Variants in PARD3 observed in about 807,000 individuals in gnomAD.
PARD3 encodes par-3 family cell polarity regulator.
Under a neutral mutation model 155.4 loss-of-function variants are expected in PARD3, and 75 were observed. The ratio of observed to expected loss-of-function variants is 0.48; its 90% confidence interval spans 0.40 to 0.58. PARD3 has a LOEUF of 0.58. Ranked by LOEUF, PARD3 falls within the 20% of genes least tolerant of loss-of-function variation. The pLI is 0.00. For missense variants in PARD3, 1,642 were observed against 1,721.7 expected (o/e 0.95, Z 0.82); for synonymous variants, 576 against 610.5 (o/e 0.94, Z 0.83).
chr10:34,132,617 T>C (rs375639191), intron 22 of PARD3, among the ~76,000 whole-genome samples: 70 of 152,322 alleles, frequency 4.6e-4, no homozygotes, highest in African/African-American at 1.7e-3. Flanking sequence ...CACAGCACTT[T>C]TGGTCTATGC....
intron 5 of PARD3, among the ~76,000 whole-genome samples, chr10:34,410,422 G>A (rs1014547940): frequency 2.6e-5 from 4 of 151,492 alleles, no homozygotes; most frequent in African/African-American, 4.9e-5. Context: ...ATATTCTATC[G>A]GGTAAACATA....
chr10:34,774,044 A>T (rs950196191), intron 1 of PARD3, among the ~76,000 whole-genome samples: 6 of 152,164 alleles, frequency 3.9e-5, no homozygotes, highest in Non-Finnish European at 8.8e-5. Flanking sequence ...TTTCTCACCC[A>T]CTACTGCTTT....
intron 2 of PARD3, among the ~76,000 whole-genome samples, chr10:34,547,249 A>C (rs1336525134): frequency 6.6e-6 from 1 of 152,238 alleles, no homozygotes; most frequent in African/African-American, 2.4e-5. Context: ...TAAAAACTGG[A>C]TTACTTACTG....
At position 34,760,504 on chromosome 10, in the gene PARD3, G is replaced by T. The variant is rs112804094; in HGVS notation, c.120+54372C>A. Among the ~76,000 whole-genome samples, 829 of 152,054 alleles carry T rather than the reference G, an allele frequency of 5.5e-3. 9 individuals are homozygous for T. The highest frequency in any genetic ancestry group is 0.019 in the African/African-American group (788 of 41,470). On this transcript the variant is annotated intron_variant, in intron 1 of 24. Coordinates refer to ENST00000374788, the MANE Select transcript of PARD3 (RefSeq NM_001184785.2). ...CTGCCACCATGCCCGGCTAATTTTT[G>T]TATCTTTAATAGAGAAGATCGTTTC...
At chr10:34,181,383 A>G (rs1486336022) in intron 22 of PARD3, among the ~76,000 whole-genome samples, 1 of 152,198 alleles carries the variant, frequency 6.6e-6, no homozygotes, top group Non-Finnish European at 1.5e-5. Context: ...GTATCTGTAT[A>G]ACGACCAGTT....
chr10:34,464,459 A>T (rs889306642), intron 4 of PARD3, among the ~76,000 whole-genome samples: 2 of 152,202 alleles, frequency 1.3e-5, no homozygotes, highest in African/African-American at 4.8e-5. Context: ...AACAATTACT[A>T]ATAGCTTTAA....
At chr10:34,390,191 T>C (rs1303986780) in intron 7 of PARD3, among the ~76,000 whole-genome samples, 2 of 152,206 alleles carry the variant, frequency 1.3e-5, no homozygotes, top group East Asian at 1.9e-4. Flanking sequence ...GAAGCTCAAA[T>C]TGACTGTAAT....
At chr10:34,514,252 T>C (rs889347375) in intron 3 of PARD3, among the ~76,000 whole-genome samples, 2 of 152,208 alleles carry the variant, frequency 1.3e-5, no homozygotes, top group African/African-American at 4.8e-5. Context: ...AGGCAAAAAT[T>C]AGAAATTTAT....
chr10:34,278,650 C>T (rs142331329), intron 21 of PARD3, among the ~76,000 whole-genome samples: 22 of 152,236 alleles, frequency 1.4e-4, no homozygotes, highest in African/African-American at 2.6e-4. Flanking sequence ...TCTCCCGCCA[C>T]GTGAAGAAGG....
chr10:34,745,245 C>G (rs1400052362), intron 1 of PARD3, among the ~76,000 whole-genome samples: 1 of 152,066 alleles, frequency 6.6e-6, no homozygotes, highest in Non-Finnish European at 1.5e-5. Context: ...AGCCTGTAGT[C>G]CCAGATATTC....
intron 22 of PARD3, among the ~76,000 whole-genome samples, chr10:34,179,167 C>CAA (rs1950163042): frequency 1.5e-5 from 1 of 65,778 alleles, no homozygotes; most frequent in African/African-American, 1.2e-4. Context: ...TGTGCGTGCG[C>CAA]GCACACACAC....
At chr10:34,228,679 A>G (rs747953713) in intron 22 of PARD3, among the ~76,000 whole-genome samples, 3 of 152,092 alleles carry the variant, frequency 2.0e-5, no homozygotes, top group Non-Finnish European at 2.9e-5. Flanking sequence ...GGTATAAAGT[A>G]TTGGTTAGGA....
chr10:34,465,214 C>T (rs1460537994), intron 4 of PARD3, among the ~76,000 whole-genome samples: 1 of 151,918 alleles, frequency 6.6e-6, no homozygotes, highest in Non-Finnish European at 1.5e-5. Flanking sequence ...TGGTTGAATC[C>T]GTGGATGCAG....
intron 5 of PARD3, among the ~76,000 whole-genome samples, chr10:34,431,740 C>CAAAA (rs57001926): frequency 3.6e-4 from 9 of 25,200 alleles, no homozygotes; most frequent in African/African-American, 9.8e-4. Flanking sequence ...AACTCTGTCT[C>CAAAA]AAAAAAAAAA....
At chr10:34,770,810 A>T (rs1033346550) in intron 1 of PARD3, among the ~76,000 whole-genome samples, 1 of 152,218 alleles carries the variant, frequency 6.6e-6, no homozygotes, top group African/African-American at 2.4e-5. Context: ...CCAAGACTCC[A>T]GACAGGGATG....
chr10:34,173,277 C>T (rs59928437), intron 22 of PARD3, among the ~76,000 whole-genome samples: 2,273 of 152,254 alleles, frequency 0.015, 46 homozygotes, highest in African/African-American at 0.052. Flanking sequence ...TGGCAAACCT[C>T]AGCTTGTAAT....
Position 34,399,385 on chromosome 10 carries a change from T to C in PARD3, c.835A>G (p.Asn279Asp). ...DDMVKLVEVP[N>D]DGGPLGIHVV... ...TGGATTCCCAGAGGCCCTCCATCGT[T>C]GGGGACTTCTACGAGCTTTACCATA... The change falls in exon 7 of 25, where the codon AAC becomes GAC. Residue 279 changes from asparagine (N) to aspartate (D), a missense_variant. Around this residue, in one of 3 missense-constraint regions of PARD3, gnomAD observed 1,529 missense variants for 1,587.3 expected, o/e 0.96. Transcript: ENST00000374788. The C allele has an allele frequency of 6.2e-7, 1 of 1,611,548 alleles. No homozygotes were observed. The highest frequency in any genetic ancestry group is 8.5e-7 in the Non-Finnish European group (1 of 1,177,692).
intron 1 of PARD3, among the ~76,000 whole-genome samples, chr10:34,718,950 C>T (rs773298162): frequency 1.6e-4 from 24 of 151,030 alleles, no homozygotes; most frequent in Admixed American, 2.0e-4. Flanking sequence ...GGGACAAGAG[C>T]GAGACTCAAA....
chr10:34,229,778 G>A (rs1045842635), intron 22 of PARD3, among the ~76,000 whole-genome samples: 2 of 151,762 alleles, frequency 1.3e-5, no homozygotes, highest in African/African-American at 4.8e-5. Context: ...TGTTGTTTTT[G>A]TTACTGGGCA....
Sources: allele counts gnomAD v4.1 joint callset (sites outside exome capture counted in the v4.1 genomes callset), GRCh38; gene constraint gnomAD v4.1.1; regional missense constraint gnomAD v4.1.1; transcripts MANE v1.5; gene names NCBI Gene and HGNC (gene_info 2026-07-23, HGNC 2026-07-21).